The following NSMCE2 variants were observed in gnomAD, a reference collection of about 807,000 sequenced individuals.
NSMCE2 encodes the protein NSE2 SUMO ligase component of SMC5/6 complex.
Under a neutral mutation model 23.8 loss-of-function variants are expected in NSMCE2, and 24 were observed. That is an observed-to-expected ratio of 1.01 (90% CI 0.73 to 1.42). The LOEUF (loss-of-function observed/expected upper bound fraction) is 1.42, where lower values mean the gene tolerates loss of function less well. NSMCE2 is among the 40% of genes most tolerant of loss of function. The probability of loss-of-function intolerance (pLI) is 0.00; values close to 1 mark genes in which losing one functional copy is unlikely to be tolerated. For missense variants in NSMCE2, 284 were observed against 296.5 expected, an observed-to-expected ratio of 0.96 and a Z score of 0.31; for synonymous variants, 92 against 94.1, an observed-to-expected ratio of 0.98 and a Z score of 0.13.
intron 5 of NSMCE2, among the ~76,000 whole-genome samples, chr8:125,296,418 G>A (rs1229423342): frequency 5.5e-5 from 6 of 109,494 alleles, no homozygotes; most frequent in African/African-American, 1.4e-4. Flanking sequence ...TTTTTGAAAC[G>A]GAGTCTTGCT....
At chr8:125,334,903 A>T (rs1314367630) in intron 5 of NSMCE2, among the ~76,000 whole-genome samples, 1 of 147,552 alleles carries the variant, frequency 6.8e-6, no homozygotes, top group Non-Finnish European at 1.5e-5. Context: ...TACAGGATGT[A>T]CACCACCACA....
chr8:125,252,458 G>A (rs899865579), intron 5 of NSMCE2, among the ~76,000 whole-genome samples: 14 of 152,140 alleles, frequency 9.2e-5, no homozygotes, highest in African/African-American at 2.2e-4. Context: ...CCCAGGAGGC[G>A]GAGCTCGCAG....
intron 4 of NSMCE2, chr8:125,155,962 A>G (rs1260033879): frequency 1.5e-5 from 7 of 453,804 alleles, no homozygotes; most frequent in Non-Finnish European, 3.1e-5. Context: ...ACTGTCATAT[A>G]TATTTAGCAA....
chr8:125,294,448 G>A (rs1386446406), intron 5 of NSMCE2, among the ~76,000 whole-genome samples: 1 of 152,092 alleles, frequency 6.6e-6, no homozygotes, highest in Non-Finnish European at 1.5e-5. Flanking sequence ...ATTGCTCCGC[G>A]TCCTCACCAG....
At chr8:125,332,408 G>C (rs915533161) in intron 5 of NSMCE2, among the ~76,000 whole-genome samples, 3 of 152,122 alleles carry the variant, frequency 2.0e-5, no homozygotes, top group Non-Finnish European at 2.9e-5. Flanking sequence ...ACCTGGGCTT[G>C]GCTAGCTCTG....
intron 5 of NSMCE2, among the ~76,000 whole-genome samples, chr8:125,260,436 A>G (rs1826638453): frequency 6.6e-6 from 1 of 151,572 alleles, no homozygotes; most frequent in South Asian, 2.1e-4. Flanking sequence ...CTATATCTCT[A>G]TACTTTCGTG....
intron 5 of NSMCE2, among the ~76,000 whole-genome samples, chr8:125,220,587 T>C (rs186705724): frequency 2.7e-4 from 41 of 152,080 alleles, no homozygotes; most frequent in Admixed American, 2.4e-3. Context: ...CTTGACTTCA[T>C]TGAAAGTAAT....
At chr8:125,096,963 T>C (rs2130320828) in intron 1 of NSMCE2, among the ~76,000 whole-genome samples, 1 of 152,256 alleles carries the variant, frequency 6.6e-6, no homozygotes, top group South Asian at 2.1e-4. Flanking sequence ...TCTCATATGC[T>C]TGGTTTGCCC....
At chr8:125,120,991 A>G (rs1413324220) in intron 3 of NSMCE2, among the ~76,000 whole-genome samples, 1 of 152,196 alleles carries the variant, frequency 6.6e-6, no homozygotes, top group East Asian at 1.9e-4. Context: ...GAAAAATGCT[A>G]CACAGTGATT....
In NSMCE2 at chr8:125,304,859, G is replaced by T. The variant is rs112625578; in HGVS notation, c.419-52360G>T. Among the ~76,000 whole-genome samples the T allele has an allele frequency of 1.2e-3, 181 of 147,720 alleles. 2 individuals carry two copies. Among genetic ancestry groups the T allele is most frequent in the African/African-American group, 4.4e-3 (177 of 39,778 alleles). On this transcript the variant is annotated intron_variant, in intron 5 of 7. Transcript: ENST00000287437. ...GCTGAGATCGTGCCACCTCATTTCA[G>T]CCTGGGCAACAGAGCCAGACTCTGA...
chr8:125,240,118 G>GTTTTTCTTTTTC (rs200882323), intron 5 of NSMCE2, among the ~76,000 whole-genome samples: 1 of 147,840 alleles, frequency 6.8e-6, no homozygotes, highest in African/African-American at 2.6e-5. Context: ...GAAGTGTGCA[G>GTTTTTCTTTTTC]TTTTTCTTTT....
At chr8:125,159,657 G>A (rs551426619) in intron 4 of NSMCE2, among the ~76,000 whole-genome samples, 38 of 152,116 alleles carry the variant, frequency 2.5e-4, no homozygotes, top group Non-Finnish European at 4.7e-4. Flanking sequence ...GGCATCTACT[G>A]GGGGTTTTGG....
intron 5 of NSMCE2, among the ~76,000 whole-genome samples, chr8:125,321,215 A>G (rs1829442334): frequency 6.6e-6 from 1 of 152,206 alleles, no homozygotes; most frequent in South Asian, 2.1e-4. Flanking sequence ...AAAGAACTAA[A>G]TGATAAAGAT....
chr8:125,193,606 C>G (rs1229079646), intron 5 of NSMCE2, among the ~76,000 whole-genome samples: 2 of 152,032 alleles, frequency 1.3e-5, no homozygotes, highest in African/African-American at 4.8e-5. Flanking sequence ...ATCAAGAAAC[C>G]AAAATCCCTC....
chr8:125,227,629 C>G (rs1825152765), intron 5 of NSMCE2, among the ~76,000 whole-genome samples: 1 of 152,166 alleles, frequency 6.6e-6, no homozygotes, highest in African/African-American at 2.4e-5. Flanking sequence ...CTAATAAACT[C>G]TGGTGTTTGC....
chr8:125,243,649 T>C (rs951679586), intron 5 of NSMCE2, among the ~76,000 whole-genome samples: 1 of 152,170 alleles, frequency 6.6e-6, no homozygotes, highest in African/African-American at 2.4e-5. Context: ...AAAATTATTA[T>C]ATTTTAAGGA....
Position 125,131,603 on chromosome 8 carries a change from G to A in NSMCE2, c.158-19568G>A, listed in dbSNP as rs769419998. Among the ~76,000 whole-genome samples the A allele has an allele frequency of 9.9e-5, 15 of 151,286 alleles. 1 individual carries two copies. In the Middle Eastern group the frequency reaches 0.017, roughly 172 times the overall value. On this transcript the variant is annotated intron_variant, in intron 3 of 7. Coordinates refer to ENST00000287437, the MANE Select transcript of NSMCE2 (RefSeq NM_173685.4). ...TGGTAGCTTTTCATTGAGTTCTAAC[G>A]TGGAAAAAAAAAATGCTTGGAGATT...
rs74320623 is a variant in NSMCE2 at position 125,238,600 on chromosome 8, C to A, written c.418+56344C>A. Among the ~76,000 whole-genome samples the A allele has an allele frequency of 6.2e-3, 939 of 152,244 alleles. 7 individuals carry two copies. Among genetic ancestry groups the A allele is most frequent in the African/African-American group, 0.022 (896 of 41,532 alleles). On this transcript the variant is annotated intron_variant, in intron 5 of 7. Transcript: ENST00000287437. ...TTTTCCTTTCTTTCCTGTTCCTCCCCCTTTCCCACCAGCTTCCAGCCAGAA... is the reference window on the plus strand; with the variant it reads ...TTTTCCTTTCTTTCCTGTTCCTCCCACTTTCCCACCAGCTTCCAGCCAGAA...
chr8:125,124,784 G>A (rs1819434525), intron 3 of NSMCE2, among the ~76,000 whole-genome samples: 1 of 151,886 alleles, frequency 6.6e-6, no homozygotes, highest in African/African-American at 2.4e-5. Flanking sequence ...AGCCTCCTCA[G>A]GATTTTGTTG....
Sources: gnomAD v4.1 joint callset for allele counts (sites outside exome capture counted in the v4.1 genomes callset) on GRCh38, gnomAD v4.1.1 for gene constraint, MANE v1.5 for transcripts, NCBI Gene and HGNC (gene_info 2026-07-23, HGNC 2026-07-21) for gene names.